CACNA1C: variants seen among roughly 807,000 people sequenced by gnomAD.
The protein encoded by CACNA1C is calcium voltage-gated channel subunit alpha1 C.
In CACNA1C, 30 loss-of-function variants were observed where a neutral mutation model predicts 229.0. The observed-to-expected ratio is 0.13, with a 90% CI of 0.10 to 0.18. CACNA1C has a LOEUF of 0.18. Ranked by LOEUF, CACNA1C falls within the 10% of genes least tolerant of loss-of-function variation. CACNA1C has a pLI of 1.00. For synonymous variants in CACNA1C, 1,114 were observed against 1,132.5 expected (o/e 0.98, Z 0.33); for missense variants, 1,658 against 2,845.0 (o/e 0.58, Z 9.49).
intron 1 of CACNA1C, among the ~76,000 whole-genome samples, chr12:1,975,386 A>T (rs2034008066): frequency 6.6e-6 from 1 of 152,132 alleles, no homozygotes; most frequent in Admixed American, 6.5e-5. Flanking sequence ...GAACTTGATT[A>T]TTTGAAACTA....
chr12:2,500,565 G>C (rs2099757238), intron 7 of CACNA1C, among the ~76,000 whole-genome samples: 1 of 152,312 alleles, frequency 6.6e-6, no homozygotes, highest in South Asian at 2.1e-4. Flanking sequence ...AGGCAGCTTT[G>C]GGAGGGGAAC....
chr12:1,995,357 A>G lies in CACNA1C; in HGVS notation c.139+24156A>G, dbSNP rs774103174. Among the ~76,000 whole-genome samples the G allele has an allele frequency of 2.9e-4, 44 of 152,394 alleles. No homozygotes were observed. In the Middle Eastern group the frequency reaches 0.014, roughly 47 times the overall value. On this transcript the variant is annotated intron_variant, in intron 1 of 46. Transcript: ENST00000682462. ...ACCCTGTGTGCATGGCACATAGTAC[A>G]GTGCAACCCTATGGCTTTTGTTGTA... is the stretch of plus-strand genomic sequence containing the variant.
intron 3 of CACNA1C, among the ~76,000 whole-genome samples, chr12:2,426,169 T>A (rs956877137): frequency 6.6e-6 from 1 of 152,156 alleles, no homozygotes; most frequent in African/African-American, 2.4e-5. Flanking sequence ...TATCAATCAA[T>A]GAGCAGTACA....
chr12:2,139,263 C>T (rs767399972), intron 3 of CACNA1C, among the ~76,000 whole-genome samples: 5 of 150,964 alleles, frequency 3.3e-5, no homozygotes, highest in South Asian at 4.2e-4. Flanking sequence ...CTTCACATGG[C>T]GCGCTCCCCT....
chr12:2,311,878 C>T (rs191126887), intron 3 of CACNA1C, among the ~76,000 whole-genome samples: 4 of 152,206 alleles, frequency 2.6e-5, no homozygotes, highest in East Asian at 1.9e-4. Flanking sequence ...TTAATGCCAC[C>T]GAACTGTAAA....
chr12:2,255,268 G>GAA (rs746929189), intron 3 of CACNA1C, among the ~76,000 whole-genome samples: 54 of 95,586 alleles, frequency 5.6e-4, no homozygotes, highest in Non-Finnish European at 5.7e-4. Context: ...TTCTGCTGCA[G>GAA]AAAAAAAAAA....
intron 5 of CACNA1C, among the ~76,000 whole-genome samples, chr12:2,461,397 C>G (rs564165883): frequency 6.6e-6 from 1 of 152,244 alleles, no homozygotes; most frequent in Non-Finnish European, 1.5e-5. Flanking sequence ...ATCTTCTCAC[C>G]CTCTTAACAT....
At chr12:2,358,149 T>C (rs551793445) in intron 3 of CACNA1C, among the ~76,000 whole-genome samples, 4 of 152,106 alleles carry the variant, frequency 2.6e-5, no homozygotes, top group Non-Finnish European at 5.9e-5. Context: ...AGGAAATGCC[T>C]GACCTCAGCA....
chr12:2,084,575 T>G (rs2066870281), intron 1 of CACNA1C, among the ~76,000 whole-genome samples: 1 of 152,204 alleles, frequency 6.6e-6, no homozygotes. Context: ...GCTGGTCAGC[T>G]TCTACTTGCC....
intron 9 of CACNA1C, among the ~76,000 whole-genome samples, chr12:2,517,374 C>T (rs897798841): frequency 6.6e-6 from 1 of 152,220 alleles, no homozygotes; most frequent in Admixed American, 6.5e-5. Context: ...TCAAGACAGT[C>T]AGTGTCTAAA....
intron 1 of CACNA1C, chr12:1,991,000 G>C (rs898777658): frequency 1.3e-5 from 5 of 371,218 alleles, no homozygotes; most frequent in African/African-American, 8.9e-5. Flanking sequence ...AAAAAAAAAG[G>C]CAAAATGAAT....
chr12:2,193,731 G>T (rs1157570676), intron 3 of CACNA1C, among the ~76,000 whole-genome samples: 1 of 152,238 alleles, frequency 6.6e-6, no homozygotes, highest in Non-Finnish European at 1.5e-5. Flanking sequence ...TCTGGCCTCT[G>T]CCCTGACACC....
rs1175219515 is a variant in CACNA1C at position 2,608,257 on chromosome 12, A to G, written c.3357-254A>G. Among the ~76,000 whole-genome samples the G allele has an allele frequency of 6.6e-6, 1 of 152,218 alleles. No homozygotes were observed. Among genetic ancestry groups the G allele is most frequent in the Non-Finnish European group, 1.5e-5 (1 of 68,038 alleles). Reference sequence around the variant, plus strand: ...ACAGTTTCAAAACACCTTCCTATACATTATTCTAACTACCCTGCAAGGTAG... The same window carrying G: ...ACAGTTTCAAAACACCTTCCTATACGTTATTCTAACTACCCTGCAAGGTAG... On this transcript the variant is annotated intron_variant, in intron 26 of 46. Transcript: ENST00000399655. This position sits in a 1 kb window ranked among gnomAD's most constrained non-coding sequence, Gnocchi z 4.2.
intron 29 of CACNA1C, chr12:2,615,115 T>C (rs2079800432): frequency 6.6e-6 from 1 of 152,140 alleles, no homozygotes; most frequent in Non-Finnish European, 1.5e-5. Context: ...ATTTGAACAG[T>C]GAACAGTGAC....
chr12:2,552,501 G>A (rs2041867624), intron 10 of CACNA1C, among the ~76,000 whole-genome samples: 1 of 152,254 alleles, frequency 6.6e-6, no homozygotes, highest in Admixed American at 6.5e-5. Context: ...GTTTGGGTCT[G>A]CATCAGAAGA....
chr12:2,248,449 G>T (rs2074248540), intron 3 of CACNA1C, among the ~76,000 whole-genome samples: 1 of 152,204 alleles, frequency 6.6e-6, no homozygotes, highest in African/African-American at 2.4e-5. Flanking sequence ...CCATTTTCCA[G>T]TATTTTTAGT....
intron 3 of CACNA1C, among the ~76,000 whole-genome samples, chr12:2,243,589 A>G (rs1248628873): frequency 6.6e-6 from 1 of 152,196 alleles, no homozygotes; most frequent in Non-Finnish European, 1.5e-5. Context: ...TTGGAGTCAG[A>G]TCTGGGTTTG....
chr12:2,306,049 G>A (rs958112598), intron 3 of CACNA1C, among the ~76,000 whole-genome samples: 2 of 152,216 alleles, frequency 1.3e-5, no homozygotes, highest in African/African-American at 4.8e-5. Flanking sequence ...AAGTTATGCA[G>A]CTGAGGGTAG....
intron 11 of CACNA1C, among the ~76,000 whole-genome samples, chr12:2,562,313 G>T (rs765325529): frequency 1.3e-5 from 2 of 152,150 alleles, no homozygotes; most frequent in Admixed American, 6.5e-5. Context: ...TCTACATACC[G>T]CAAAGAAAGC....
Sources: allele counts gnomAD v4.1 joint callset (sites outside exome capture counted in the v4.1 genomes callset), GRCh38; gene constraint gnomAD v4.1.1; non-coding constraint Gnocchi (gnomAD v3.1); transcripts MANE v1.5; gene names NCBI Gene and HGNC (gene_info 2026-07-23, HGNC 2026-07-21).